MEIKIN: variants seen among roughly 807,000 people sequenced by gnomAD.
MEIKIN encodes the protein meiotic kinetochore factor.
At chr5:131,876,449 C>A (rs545595810) in intron 9 of MEIKIN, among the ~76,000 whole-genome samples, 1 of 149,356 alleles carries the variant, frequency 6.7e-6, no homozygotes, top group South Asian at 2.1e-4. Flanking sequence ...CAATGAGATA[C>A]CATCTCACAC....
At chr5:131,884,899 C>G (rs2149630650) in intron 8 of MEIKIN, among the ~76,000 whole-genome samples, 1 of 152,230 alleles carries the variant, frequency 6.6e-6, no homozygotes, top group South Asian at 2.1e-4. Flanking sequence ...GCAGTATTCC[C>G]CATGGGCCTG....
chr5:131,910,397 T>C (rs1751314700), intron 8 of MEIKIN, among the ~76,000 whole-genome samples: 1 of 151,824 alleles, frequency 6.6e-6, no homozygotes. Context: ...AGATAGAGAA[T>C]AGAAGGATGG....
intron 11 of MEIKIN, among the ~76,000 whole-genome samples, chr5:131,835,671 G>C (rs747833903): frequency 1.3e-5 from 2 of 152,132 alleles, no homozygotes; most frequent in Non-Finnish European, 2.9e-5. Flanking sequence ...TTGGCTCACT[G>C]CAAGTTCCAT....
chr5:131,922,374 C>G (rs1268757995), intron 5 of MEIKIN, among the ~76,000 whole-genome samples: 5 of 151,974 alleles, frequency 3.3e-5, no homozygotes, highest in African/African-American at 1.2e-4. Flanking sequence ...TCAACATATA[C>G]AGCCTTTTTT....
At chr5:131,874,402 T>C (rs1200609900) in intron 9 of MEIKIN, among the ~76,000 whole-genome samples, 2 of 152,192 alleles carry the variant, frequency 1.3e-5, no homozygotes, top group East Asian at 1.9e-4. Context: ...CTAGAAGAAA[T>C]GGATAAATTC....
At chr5:131,891,312 T>C (rs940789427) in intron 8 of MEIKIN, among the ~76,000 whole-genome samples, 2 of 152,196 alleles carry the variant, frequency 1.3e-5, no homozygotes, top group Non-Finnish European at 2.9e-5. Flanking sequence ...ATGTTGTCAG[T>C]GGGTTGTTAA....
chr5:131,945,116 G>T (rs1751939586), intron 2 of MEIKIN, 40 bp downstream of exon 2: 2 of 399,130 alleles, frequency 5.0e-6, no homozygotes, highest in East Asian at 7.1e-5. Flanking sequence ...GTTTTCTGAG[G>T]TGGCAAGCTA....
intron 11 of MEIKIN, among the ~76,000 whole-genome samples, chr5:131,840,148 G>C (rs1349505084): frequency 1.3e-5 from 2 of 152,072 alleles, no homozygotes; most frequent in Non-Finnish European, 2.9e-5. Flanking sequence ...TGAAATTCTT[G>C]GTTGGAATTT....
intron 8 of MEIKIN, among the ~76,000 whole-genome samples, chr5:131,907,497 C>T (rs1391049071): frequency 6.6e-6 from 1 of 150,682 alleles, no homozygotes; most frequent in African/African-American, 2.4e-5. Flanking sequence ...ATACTGCAGA[C>T]ATTCAAAGGA....
At chr5:131,906,827 G>C (rs967616443) in intron 8 of MEIKIN, among the ~76,000 whole-genome samples, 1 of 152,104 alleles carries the variant, frequency 6.6e-6, no homozygotes, top group Non-Finnish European at 1.5e-5. Context: ...GGTATATATG[G>C]ACAGAAAGAA....
chr5:131,866,943 A>G (rs542398561), intron 9 of MEIKIN, among the ~76,000 whole-genome samples: 9 of 152,152 alleles, frequency 5.9e-5, no homozygotes, highest in Non-Finnish European at 1.0e-4. Context: ...CTTCATTCCC[A>G]TTAGTCCTCA....
At chr5:131,875,415 T>A (rs1204689265) in intron 9 of MEIKIN, among the ~76,000 whole-genome samples, 2 of 151,814 alleles carry the variant, frequency 1.3e-5, no homozygotes, top group Non-Finnish European at 2.9e-5. Flanking sequence ...GAGAATAAAA[T>A]ACCTAGGAAT....
chr5:131,817,527 T>C (rs1267482089), intron 12 of MEIKIN, among the ~76,000 whole-genome samples: 1 of 150,978 alleles, frequency 6.6e-6, no homozygotes, highest in Non-Finnish European at 1.5e-5. Flanking sequence ...GAGGCTGGAA[T>C]ATGGTGTGAA....
chr5:131,848,916 A>T (rs1232983230), intron 11 of MEIKIN, among the ~76,000 whole-genome samples: 2 of 152,236 alleles, frequency 1.3e-5, no homozygotes, highest in Non-Finnish European at 2.9e-5. Flanking sequence ...CTTAAAAAAA[A>T]TCAATCACTG....
intron 11 of MEIKIN, among the ~76,000 whole-genome samples, chr5:131,832,291 T>C (rs1165307083): frequency 6.6e-6 from 1 of 152,068 alleles, no homozygotes; most frequent in Non-Finnish European, 1.5e-5. Flanking sequence ...TCCAGCAGGG[T>C]AGTCAAATTT....
At chr5:131,868,849 T>G (rs1445772995) in intron 9 of MEIKIN, among the ~76,000 whole-genome samples, 1 of 152,256 alleles carries the variant, frequency 6.6e-6, no homozygotes, top group East Asian at 1.9e-4. Context: ...TGTTGAATTT[T>G]AAGGCTTCTT....
At chr5:131,936,948 C>T (rs1751789708) in intron 4 of MEIKIN, among the ~76,000 whole-genome samples, 1 of 151,552 alleles carries the variant, frequency 6.6e-6, no homozygotes, top group Non-Finnish European at 1.5e-5. Context: ...TTTTATTTTC[C>T]TCCCTCTCTC....
chr5:131,869,103 C>T (rs1750439555), intron 9 of MEIKIN, among the ~76,000 whole-genome samples: 2 of 152,136 alleles, frequency 1.3e-5, no homozygotes, highest in Non-Finnish European at 2.9e-5. Context: ...AGAAGGTTTA[C>T]AGTTTTGCAT....
intron 9 of MEIKIN, among the ~76,000 whole-genome samples, chr5:131,872,504 G>A (rs1052458361): frequency 6.6e-6 from 1 of 152,182 alleles, no homozygotes; most frequent in African/African-American, 2.4e-5. Context: ...TATGTGAAAA[G>A]ACCAAATCAA....
Sources: gnomAD v4.1 joint callset for allele counts (sites outside exome capture counted in the v4.1 genomes callset) on GRCh38, gnomAD v4.1.1 for gene constraint, MANE v1.5 for transcripts, NCBI Gene and HGNC (gene_info 2026-07-23, HGNC 2026-07-21) for gene names.